The following KCND3 variants were observed in gnomAD, a reference collection of about 807,000 sequenced individuals.
The protein encoded by KCND3 is potassium voltage-gated channel subfamily D member 3.
In KCND3, 9 loss-of-function variants were observed where a neutral mutation model predicts 51.1. The ratio of observed to expected loss-of-function variants is 0.18; its 90% CI spans 0.11 to 0.31. KCND3 has a LOEUF of 0.31. Among genes scored for constraint, KCND3 ranks in the 10% least tolerant of loss-of-function variants. The pLI is 1.00. For synonymous variants in KCND3, 349 were observed against 368.0 expected, an observed-to-expected ratio of 0.95 and a Z score of 0.59; for missense variants, 526 against 903.8, an observed-to-expected ratio of 0.58 and a Z score of 5.36.
rs556014787 is a variant in KCND3, at chr1:111,839,657, C to T, written c.1107-52551G>A. Among the ~76,000 whole-genome samples, 22 of 152,340 alleles carry T rather than the reference C, an allele frequency of 1.4e-4. No individual in the cohort carries two copies. In the South Asian group the frequency reaches 1.5e-3, roughly 10 times the overall value. On this transcript the variant is annotated intron_variant, in intron 2 of 7. Transcript: ENST00000302127. ...CTAATATGTATTGAACCAAATGTGC[C>T]GGCACTAGGCCAAGCACTTACCATG...
chr1:111,815,086 G>A (rs1026654379), intron 2 of KCND3, among the ~76,000 whole-genome samples: 7 of 152,194 alleles, frequency 4.6e-5, no homozygotes, highest in Non-Finnish European at 5.9e-5. Context: ...AGAGGAGGCC[G>A]ATGAGGCCCA....
intron 3 of KCND3, among the ~76,000 whole-genome samples, chr1:111,785,002 C>T (rs556011388): frequency 9.9e-5 from 15 of 152,194 alleles, no homozygotes; most frequent in Admixed American, 9.2e-4. Context: ...ATTCCTGGAC[C>T]TCAGGAGTTT....
Position 111,906,097 on chromosome 1 carries a change from C to T in KCND3, c.1106+75524G>A, listed in dbSNP as rs138482595. Among the ~76,000 whole-genome samples the T allele has an allele frequency of 5.1e-3, 776 of 152,356 alleles. 3 individuals carry two copies. Among genetic ancestry groups the T allele is most frequent in the South Asian group, 0.012 (58 of 4,826 alleles). On this transcript the variant is annotated intron_variant, in intron 2 of 7. Coordinates refer to ENST00000302127, the MANE Select transcript of KCND3 (RefSeq NM_001378969.1). The stretch of plus-strand genomic sequence containing the variant: ...GGGGCTGTGAGCCCCAGAGTAGCCA[C>T]TGGAGTCCCATTCTCAAGGGTGGTG...
chr1:111,924,580 G>A (rs1671618149), intron 2 of KCND3, among the ~76,000 whole-genome samples: 1 of 152,218 alleles, frequency 6.6e-6, no homozygotes, highest in Admixed American at 6.5e-5. Flanking sequence ...AATGGCCAAA[G>A]GTCCCTCATA....
intron 2 of KCND3, among the ~76,000 whole-genome samples, chr1:111,938,533 A>G (rs1026474072): frequency 1.3e-5 from 2 of 152,188 alleles, no homozygotes; most frequent in African/African-American, 4.8e-5. Context: ...GAAGAACAAC[A>G]CGGGGGAAGG....
intron 1 of KCND3, among the ~76,000 whole-genome samples, chr1:111,986,915 C>T (rs772615072): frequency 6.6e-6 from 1 of 152,186 alleles, no homozygotes; most frequent in African/African-American, 2.4e-5. Context: ...AACCCCTGGC[C>T]ACCTTCCTAG....
intron 6 of KCND3, among the ~76,000 whole-genome samples, chr1:111,777,791 G>A (rs528258877): frequency 5.9e-5 from 9 of 152,274 alleles, no homozygotes. Context: ...AGGCCAGTGG[G>A]CAAACTGTCA....
At chr1:111,918,270 C>A (rs1208634739) in intron 2 of KCND3, among the ~76,000 whole-genome samples, 1 of 152,134 alleles carries the variant, frequency 6.6e-6, no homozygotes, top group Non-Finnish European at 1.5e-5. Flanking sequence ...ACAATGAGAT[C>A]TAAAAAGGAA....
chr1:111,903,315 G>A (rs551937481), intron 2 of KCND3, among the ~76,000 whole-genome samples: 6 of 152,308 alleles, frequency 3.9e-5, no homozygotes, highest in African/African-American at 7.2e-5. Flanking sequence ...GGTGGGAGGC[G>A]GAGGAAGGTC....
Position 111,848,069 on chromosome 1 carries a change from T to C in KCND3, c.1107-60963A>G, listed in dbSNP as rs373062772. ...TTCTTGAGACATTGCCTGTGTTTCA[T>C]GAGGACCTGTGTGTCCTAGGCACTG... On this transcript the variant is annotated intron_variant, in intron 2 of 7. Transcript: ENST00000302127. Among the ~76,000 whole-genome samples, 16 of 152,218 alleles carry C rather than the reference T, an allele frequency of 1.1e-4. No individual in the cohort carries two copies. The South Asian group carries it at 1.2e-3, about 12-fold the overall frequency.
intron 2 of KCND3, among the ~76,000 whole-genome samples, chr1:111,926,348 A>G (rs1318986899): frequency 6.6e-6 from 1 of 152,226 alleles, no homozygotes; most frequent in African/African-American, 2.4e-5. Context: ...CAGCATTTCT[A>G]TACATGATAT....
chr1:111,941,714 C>T lies in KCND3; in HGVS notation c.1106+39907G>A, dbSNP rs1158373412. ...AACGAGGGGGACCCCGCAGCCCTGA[C>T]CCTGGGAAGGGGAACCTCTAGGCAT... On this transcript the variant is annotated intron_variant, in intron 2 of 7. Coordinates refer to ENST00000302127, the MANE Select transcript of KCND3 (RefSeq NM_001378969.1). Among the ~76,000 whole-genome samples the T allele has an allele frequency of 2.6e-5, 4 of 152,306 alleles. No homozygotes were observed. The East Asian group carries it at 7.7e-4, about 29-fold the overall frequency.
intron 2 of KCND3, among the ~76,000 whole-genome samples, chr1:111,837,409 T>C (rs761522146): frequency 6.6e-6 from 1 of 152,258 alleles, no homozygotes; most frequent in Non-Finnish European, 1.5e-5. Context: ...GAGTAGTTAT[T>C]ATGTGCCAGG....
At chr1:111,938,789 G>A (rs1672342740) in intron 2 of KCND3, among the ~76,000 whole-genome samples, 1 of 152,178 alleles carries the variant, frequency 6.6e-6, no homozygotes, top group Admixed American at 6.5e-5. Context: ...TAATCCCAGA[G>A]AGGGAGCAGG....
Position 111,798,454 on chromosome 1 carries a change from C to T in KCND3, c.1107-11348G>A, listed in dbSNP as rs72980126. ...ACTCCTTTATGCCCTGACATACCTCCCCAAAATGTCTATTTCCCCTATTGA... is the reference window on the plus strand; with the variant it reads ...ACTCCTTTATGCCCTGACATACCTCTCCAAAATGTCTATTTCCCCTATTGA... On this transcript the variant is annotated intron_variant, in intron 2 of 7. Coordinates refer to ENST00000302127, the MANE Select transcript of KCND3 (RefSeq NM_001378969.1). Among the ~76,000 whole-genome samples the T allele has an allele frequency of 4.3e-3, 658 of 152,222 alleles. 4 individuals are homozygous for T. Among genetic ancestry groups the T allele is most frequent in the African/African-American group, 0.015 (634 of 41,514 alleles).
chr1:111,908,189 C>G (rs1670742975), intron 2 of KCND3, among the ~76,000 whole-genome samples: 1 of 152,164 alleles, frequency 6.6e-6, no homozygotes. Context: ...TATTTAGCAC[C>G]TATCATATGT....
At chr1:111,789,940 C>T (rs1005216800) in intron 2 of KCND3, among the ~76,000 whole-genome samples, 1 of 152,154 alleles carries the variant, frequency 6.6e-6, no homozygotes, top group East Asian at 1.9e-4. Flanking sequence ...ACAACCATCT[C>T]CAGTCTTCTG....
chr1:111,784,103 TCACACACACACA>T (rs369429634), intron 3 of KCND3, among the ~76,000 whole-genome samples: 11 of 117,484 alleles, frequency 9.4e-5, no homozygotes, highest in East Asian at 2.3e-4. Flanking sequence ...CATTAACTTA[TCACACACACACA>T]CACACACACA....
intron 2 of KCND3, among the ~76,000 whole-genome samples, chr1:111,901,890 A>G (rs1179392313): frequency 6.6e-6 from 1 of 152,182 alleles, no homozygotes; most frequent in East Asian, 1.9e-4. Flanking sequence ...CCAGAGGGGA[A>G]CTTAGAAATC....
Sources: allele counts gnomAD v4.1 joint callset (sites outside exome capture counted in the v4.1 genomes callset), GRCh38; gene constraint gnomAD v4.1.1; transcripts MANE v1.5; gene names NCBI Gene and HGNC (gene_info 2026-07-23, HGNC 2026-07-21).